The following CLIP1 variants were observed in gnomAD, a reference collection of about 807,000 sequenced individuals.
CLIP1 encodes the protein CAP-Gly domain-containing linker protein 1.
Under a neutral mutation model 161.6 loss-of-function variants are expected in CLIP1, and 66 were observed. That is an observed-to-expected ratio of 0.41 (90% CI 0.33 to 0.50). The LOEUF (loss-of-function observed/expected upper bound fraction) is 0.50. Among genes scored for constraint, CLIP1 ranks in the 20% least tolerant of loss-of-function variants. CLIP1 has a pLI of 0.27. For synonymous variants in CLIP1, 598 were observed against 626.2 expected (o/e 0.96, Z 0.67); for missense variants, 1,376 against 1,702.0 (o/e 0.81, Z 3.37).
In CLIP1 at chr12:122,332,082, G is replaced by A. The variant is rs933070315; in HGVS notation, c.2867+905C>T. Among the ~76,000 whole-genome samples, 5 of 152,220 alleles carry A rather than the reference G, an allele frequency of 3.3e-5. No homozygotes were observed. The East Asian group carries it at 9.7e-4, about 29-fold the overall frequency. On this transcript the variant is annotated intron_variant, in intron 15 of 25. Coordinates refer to ENST00000620786, the MANE Select transcript of CLIP1 (RefSeq NM_001247997.2). ...GCACTTTGGGAGGCCAAGGCCCTGA[G>A]GTCAGGAGTTCGAGACCAGCCTGAC...
At chr12:122,404,836 G>A (rs1409567877) in intron 1 of CLIP1, among the ~76,000 whole-genome samples, 1 of 150,118 alleles carries the variant, frequency 6.7e-6, no homozygotes, top group Non-Finnish European at 1.5e-5. Flanking sequence ...GGAGGCGGAG[G>A]TTGCAGTGAG....
chr12:122,382,555 C>G (rs767605767), intron 1 of CLIP1, among the ~76,000 whole-genome samples: 1 of 150,882 alleles, frequency 6.6e-6, no homozygotes, highest in Non-Finnish European at 1.5e-5. Context: ...CACGTGAAAA[C>G]AGAGGCAGAG....
chr12:122,283,995 T>A (rs965909787), intron 21 of CLIP1, among the ~76,000 whole-genome samples: 13 of 152,202 alleles, frequency 8.5e-5, no homozygotes, highest in African/African-American at 2.7e-4. Flanking sequence ...TTTTTGGTAC[T>A]CAATGGTTGA....
chr12:122,374,520 T>C (rs1366796856), intron 3 of CLIP1, among the ~76,000 whole-genome samples: 2 of 151,632 alleles, frequency 1.3e-5, no homozygotes, highest in Admixed American at 1.3e-4. Flanking sequence ...TCCCAGCACT[T>C]TGGGAGGCCG....
intron 20 of CLIP1, among the ~76,000 whole-genome samples, chr12:122,306,086 A>G (rs185438409): frequency 5.3e-5 from 8 of 151,092 alleles, no homozygotes; most frequent in Non-Finnish European, 1.2e-4. Flanking sequence ...AAGAACGTGA[A>G]AAGACTAGAC....
chr12:122,394,954 C>G (rs1039743216), intron 1 of CLIP1, among the ~76,000 whole-genome samples: 6 of 152,138 alleles, frequency 3.9e-5, no homozygotes, highest in Non-Finnish European at 8.8e-5. Flanking sequence ...TCTTCCAACT[C>G]CAACTGAAAC....
chr12:122,291,496 TCA>T (rs1214005585), intron 20 of CLIP1, among the ~76,000 whole-genome samples: 1 of 152,174 alleles, frequency 6.6e-6, no homozygotes, highest in African/African-American at 2.4e-5. Context: ...GGCCAGTTCC[TCA>T]TTCTTTCCTT....
intron 15 of CLIP1, among the ~76,000 whole-genome samples, 185 bp downstream of exon 15, chr12:122,332,802 A>G (rs1045877872): frequency 1.3e-5 from 2 of 152,200 alleles, no homozygotes; most frequent in African/African-American, 4.8e-5. Flanking sequence ...GACAAGTAAG[A>G]TAGGTAAAAT....
chr12:122,414,456 CTGTTT>C (rs1320778979), intron 1 of CLIP1, among the ~76,000 whole-genome samples: 2 of 151,486 alleles, frequency 1.3e-5, no homozygotes, highest in East Asian at 3.9e-4. Flanking sequence ...GGCCAAATAT[CTGTTT>C]TGTTTTGTTG....
chr12:122,388,307 C>A (rs1377471117), intron 1 of CLIP1, among the ~76,000 whole-genome samples: 2 of 152,204 alleles, frequency 1.3e-5, no homozygotes, highest in Admixed American at 1.3e-4. Context: ...GCAAGCTCCG[C>A]CTCCCGGGTT....
intron 18 of CLIP1, 55 bp from the exon 19 acceptor site, chr12:122,316,910 G>T: frequency 1.9e-6 from 2 of 1,031,116 alleles, no homozygotes; most frequent in South Asian, 1.7e-5. Flanking sequence ...CCAGTGACAT[G>T]AATGAACAAA....
At chr12:122,278,244 G>T (rs757093596) in intron 23 of CLIP1, 41 bp from the exon 24 acceptor site, 4 of 1,478,436 alleles carry the variant, frequency 2.7e-6, no homozygotes, top group South Asian at 2.4e-5. Flanking sequence ...AGTGGAGGGA[G>T]AATATATGTA....
intron 1 of CLIP1, among the ~76,000 whole-genome samples, chr12:122,421,748 G>A (rs188706279): frequency 6.6e-6 from 1 of 152,318 alleles, no homozygotes; most frequent in East Asian, 1.9e-4. Flanking sequence ...GCCGGATTCA[G>A]GATTCACCCC....
chr12:122,407,124 G>C lies in CLIP1; in HGVS notation c.-107+15397C>G, dbSNP rs556852383. Among the ~76,000 whole-genome samples the C allele has an allele frequency of 2.0e-5, 3 of 152,008 alleles. No homozygotes were observed. The South Asian group carries it at 6.2e-4, about 31-fold the overall frequency. ...ATCTCCCAGAAGAACTTACTTAATG[G>C]GTCGGCAGCAGTCAATTATACTAAC... On this transcript the variant is annotated intron_variant, in intron 1 of 25. Coordinates refer to ENST00000620786, the MANE Select transcript of CLIP1 (RefSeq NM_001247997.2).
intron 1 of CLIP1, among the ~76,000 whole-genome samples, chr12:122,417,919 T>A (rs1207786701): frequency 6.6e-6 from 1 of 152,150 alleles, no homozygotes; most frequent in Non-Finnish European, 1.5e-5. Flanking sequence ...AGGATGTTTT[T>A]CTCTCTGGGC....
At chr12:122,286,482 C>A (rs943151744) in intron 21 of CLIP1, among the ~76,000 whole-genome samples, 1 of 127,280 alleles carries the variant, frequency 7.9e-6, no homozygotes, top group Non-Finnish European at 1.6e-5. Flanking sequence ...GATCGCGCCA[C>A]TGCACTCCAG....
rs751847230 is a variant in CLIP1, at chr12:122,328,191, T to G, written c.3034-29A>C. On this transcript the variant is annotated intron_variant, in intron 16 of 25. Transcript: ENST00000620786. ...CAGAGACCCCGAATGAGGGAATGAG[T>G]CATCTGCCCATGCGTGTACTATCCC... 5 of 1,613,300 alleles carry G rather than the reference T, an allele frequency of 3.1e-6. 1 individual carries two copies. The South Asian group carries it at 5.5e-5, about 18-fold the overall frequency.
intron 13 of CLIP1, 149 bp from the exon 14 acceptor site, chr12:122,334,259 G>A (rs1952113153): frequency 4.8e-6 from 3 of 625,286 alleles, no homozygotes; most frequent in Non-Finnish European, 5.7e-6. Context: ...TCACATGGCT[G>A]TGTCCAGCCT....
At chr12:122,303,102 G>A (rs1950750808) in intron 20 of CLIP1, among the ~76,000 whole-genome samples, 2 of 152,110 alleles carry the variant, frequency 1.3e-5, no homozygotes, top group East Asian at 3.8e-4. Flanking sequence ...GTCTTGATCT[G>A]GTGTGGTTTG....
Sources: allele counts gnomAD v4.1 joint callset (sites outside exome capture counted in the v4.1 genomes callset), GRCh38; gene constraint gnomAD v4.1.1; transcripts MANE v1.5; gene names NCBI Gene and HGNC (gene_info 2026-07-23, HGNC 2026-07-21).